The following SLC36A1 variants were observed in gnomAD, a reference collection of about 807,000 sequenced individuals.
The protein encoded by SLC36A1 is proton-coupled amino acid transporter 1.
In SLC36A1, 30 loss-of-function variants were observed where a neutral mutation model predicts 47.5. The observed-to-expected ratio is 0.63, with a 90% CI of 0.47 to 0.86. SLC36A1 has a LOEUF of 0.86. Among genes scored for constraint, SLC36A1 ranks in the 40% least tolerant of loss-of-function variants. The pLI, the probability that SLC36A1 is intolerant of heterozygous loss-of-function variation, is 0.00. For missense variants in SLC36A1, 517 were observed against 606.0 expected, an observed-to-expected ratio of 0.85 and a Z score of 1.54; for synonymous variants, 255 against 249.7, an observed-to-expected ratio of 1.02 and a Z score of -0.20.
At chr5:151,508,313 G>T in the SLC36A1 span, among the ~76,000 whole-genome samples, 1 of 152,174 alleles carries the variant, frequency 6.6e-6, no homozygotes, top group African/African-American at 2.4e-5. Context: ...CTTTTAAAAT[G>T]CAGACACCAC....
the SLC36A1 span, chr5:151,553,143 G>T: frequency 2.5e-6 from 4 of 1,595,918 alleles, no homozygotes; most frequent in Non-Finnish European, 3.4e-6. Context: ...GATGGGAGGG[G>T]TTGGCCCTTG....
At chr5:151,357,840 G>A in the SLC36A1 span, among the ~76,000 whole-genome samples, 78 of 152,300 alleles carry the variant, frequency 5.1e-4, no homozygotes, top group African/African-American at 1.5e-3. Flanking sequence ...TATTCTCCAC[G>A]ATTAAAACCT....
the SLC36A1 span, chr5:151,544,829 C>A: frequency 6.2e-7 from 1 of 1,614,204 alleles, no homozygotes; most frequent in Non-Finnish European, 8.5e-7. Context: ...CCATTTGTCC[C>A]CAAGTCCTCA....
At chr5:151,370,828 A>C in the SLC36A1 span, among the ~76,000 whole-genome samples, 38 of 152,058 alleles carry the variant, frequency 2.5e-4, no homozygotes, top group Admixed American at 2.2e-3. Flanking sequence ...CCCCATCTCT[A>C]CTAAAAATAC....
chr5:151,492,576 A>G (rs112483273), downstream of SLC36A1, among the ~76,000 whole-genome samples: 3 of 151,808 alleles, frequency 2.0e-5, 1 homozygote, highest in African/African-American at 7.2e-5. Context: ...TTTTTCTGTT[A>G]GACAATCCTC....
the SLC36A1 span, among the ~76,000 whole-genome samples, chr5:151,399,866 ATTGTTTACTT>A: frequency 6.6e-6 from 1 of 152,126 alleles, no homozygotes; most frequent in African/African-American, 2.4e-5. Flanking sequence ...AATAATAATC[ATTGTTTACTT>A]TGTGCCTGGC....
intron 10 of SLC36A1, among the ~76,000 whole-genome samples, chr5:151,483,520 G>GAGC (rs745868506): frequency 2.8e-5 from 4 of 144,658 alleles, no homozygotes; most frequent in African/African-American, 1.1e-4. Flanking sequence ...GTGTGTGTGG[G>GAGC]GGGGGTGATT....
At chr5:151,507,668 C>T in the SLC36A1 span, 6 of 1,466,368 alleles carry the variant, frequency 4.1e-6, no homozygotes, top group Non-Finnish European at 5.5e-6. Context: ...TCCATGTCCC[C>T]TCTTACAGAG....
the SLC36A1 span, chr5:151,550,921 G>T: frequency 6.3e-7 from 1 of 1,578,976 alleles, no homozygotes; most frequent in East Asian, 2.2e-5. Flanking sequence ...CAGGGGAACA[G>T]GGACTGGGTC....
the SLC36A1 span, among the ~76,000 whole-genome samples, chr5:151,365,112 G>A: frequency 5.3e-5 from 8 of 152,130 alleles, no homozygotes; most frequent in African/African-American, 1.9e-4. Context: ...CTTAGAGAGT[G>A]GAGAAAGGGT....
At chr5:151,522,248 A>G in the SLC36A1 span, 1 of 575,888 alleles carries the variant, frequency 1.7e-6, no homozygotes, top group Non-Finnish European at 3.0e-6. Context: ...CCTAACTCCA[A>G]AAGCACTGAC....
upstream of SLC36A1, among the ~76,000 whole-genome samples, chr5:151,447,286 T>C (rs1010243568): frequency 1.3e-5 from 2 of 152,212 alleles, no homozygotes; most frequent in African/African-American, 4.8e-5. Context: ...TATTTCTTAT[T>C]ATAAAAGCAA....
chr5:151,454,518 C>G (rs1007236767), intron 1 of SLC36A1, among the ~76,000 whole-genome samples: 1 of 152,068 alleles, frequency 6.6e-6, no homozygotes, highest in African/African-American at 2.4e-5. Context: ...AGGGCTTTTG[C>G]TTGGATTTTT....
At chr5:151,533,833 C>T in the SLC36A1 span, among the ~76,000 whole-genome samples, 2 of 151,874 alleles carry the variant, frequency 1.3e-5, no homozygotes, top group South Asian at 2.1e-4. Context: ...CAGAATAGAA[C>T]ACTTTGTGGT....
the SLC36A1 span, among the ~76,000 whole-genome samples, chr5:151,508,260 T>C: frequency 6.6e-6 from 1 of 152,306 alleles, no homozygotes; most frequent in Admixed American, 6.5e-5. Flanking sequence ...TCACTACCAG[T>C]TGTTTGTTAT....
chr5:151,354,232 A>T, the SLC36A1 span, among the ~76,000 whole-genome samples: 1 of 152,210 alleles, frequency 6.6e-6, no homozygotes, highest in African/African-American at 2.4e-5. Flanking sequence ...TGAACCTGGG[A>T]GGTGGAGGGT....
In SLC36A1 at chr5:151,479,212, G is replaced by A. The variant is rs773949219; in HGVS notation, c.990-108G>A. 1.6e-4 allele frequency: 202 copies of A among 1,224,766 alleles called. 1 individual carries two copies. The highest frequency in any genetic ancestry group is 2.2e-4 in the Non-Finnish European group (189 of 860,846). The allele number at this position is 1,224,766 out of a possible 1,614,324, so 75.9% of individuals were successfully genotyped here. A position where few individuals can be genotyped will look rare whatever the true frequency, so the allele number is the denominator to read the frequency against. ...CTGGGTCCGAAGGACATGTGGGTTT[G>A]TATCCTTGATAAGTGTCAACAAATC... On this transcript the variant is annotated intron_variant, in intron 9 of 10. Transcript: ENST00000243389.
the SLC36A1 span, chr5:151,537,668 C>T: frequency 1.1e-6 from 1 of 916,850 alleles, no homozygotes; most frequent in Non-Finnish European, 1.6e-6. Context: ...GCACATAGGG[C>T]CAATATATGT....
chr5:151,365,329 G>A, the SLC36A1 span, among the ~76,000 whole-genome samples: 1 of 152,190 alleles, frequency 6.6e-6, no homozygotes, highest in Admixed American at 6.5e-5. Context: ...TGATGTTAAT[G>A]CTCATACAGC....
Sources: gnomAD v4.1 joint callset for allele counts (sites outside exome capture counted in the v4.1 genomes callset) on GRCh38, gnomAD v4.1.1 for gene constraint, MANE v1.5 for transcripts, NCBI Gene and HGNC (gene_info 2026-07-23, HGNC 2026-07-21) for gene names.